Variants in FGF14 observed in about 807,000 individuals in gnomAD.
FGF14 encodes fibroblast growth factor 14, also known as fibroblast growth factor homologous factor 4.
FGF14 carries 5 observed loss-of-function variants against 25.5 expected under a neutral mutation model. The ratio of observed to expected loss-of-function variants is 0.20; its 90% CI spans 0.10 to 0.41. FGF14 has a LOEUF of 0.41. Ranked by LOEUF, FGF14 falls within the 10% of genes least tolerant of loss-of-function variation. The pLI, the probability that FGF14 is intolerant of heterozygous loss-of-function variation, is 1.00. For missense variants in FGF14, 222 were observed against 320.1 expected (o/e 0.69, Z 2.34); for synonymous variants, 138 against 118.3 (o/e 1.17, Z -1.08).
rs771212271 is a variant in FGF14 at position 101,916,464 on chromosome 13, A to G, written c.182T>C (p.Leu61Ser). 6.2e-7 allele frequency: 1 copy of G among 1,613,926 alleles called. No homozygotes were observed. Among genetic ancestry groups the G allele is most frequent in the Non-Finnish European group, 8.5e-7 (1 of 1,179,916 alleles). Residue 61 changes from leucine to serine, a missense_variant, in exon 1 of 5, where the codon TTG becomes TCG. Transcript: ENST00000376143. ...VRIFGLKKRR[L>S]RRQDPQLKGI... The stretch of plus-strand genomic sequence containing the variant: ...TGACCCCCACAGACCTTGGCGCCGC[A>G]ACCTGCGCTTCTTGAGGCCGAAGAT...
chr13:102,379,811 T>A (rs778647005), intron 1 of FGF14, among the ~76,000 whole-genome samples: 13 of 152,152 alleles, frequency 8.5e-5, no homozygotes, highest in Non-Finnish European at 1.9e-4. Flanking sequence ...TATTTTTTGC[T>A]ATCATAAAAC....
At chr13:102,042,746 G>A (rs575184696) in intron 1 of FGF14, among the ~76,000 whole-genome samples, 29 of 152,174 alleles carry the variant, frequency 1.9e-4, no homozygotes, top group Non-Finnish European at 3.7e-4. Flanking sequence ...TATATTTTAG[G>A]AGAATATAAA....
chr13:101,769,520 T>C (rs1285732759), intron 3 of FGF14, among the ~76,000 whole-genome samples: 1 of 152,178 alleles, frequency 6.6e-6, no homozygotes, highest in Non-Finnish European at 1.5e-5. Context: ...CTATGGCAGC[T>C]GCATTCATAA....
At chr13:101,908,223 T>C (rs1369455158) in intron 1 of FGF14, among the ~76,000 whole-genome samples, 1 of 152,198 alleles carries the variant, frequency 6.6e-6, no homozygotes, top group Non-Finnish European at 1.5e-5. Flanking sequence ...CGTATTTTTC[T>C]TCAGCCAAAT....
At chr13:102,276,139 A>G (rs1013061569) in intron 1 of FGF14, among the ~76,000 whole-genome samples, 1 of 151,726 alleles carries the variant, frequency 6.6e-6, no homozygotes, top group African/African-American at 2.4e-5. Flanking sequence ...CCATTAGTTA[A>G]GTAGAGACTC....
intron 1 of FGF14, among the ~76,000 whole-genome samples, chr13:102,165,304 C>G (rs1449053973): frequency 6.6e-6 from 1 of 151,972 alleles, no homozygotes; most frequent in African/African-American, 2.4e-5. Flanking sequence ...ACCCAGCCAT[C>G]CCATTACTGG....
intron 1 of FGF14, among the ~76,000 whole-genome samples, chr13:102,030,235 C>T (rs2041143771): frequency 6.6e-6 from 1 of 152,038 alleles, no homozygotes; most frequent in Non-Finnish European, 1.5e-5. Context: ...AAAAACTGTA[C>T]TTTGTAAAGT....
chr13:101,917,141 C>T (rs2033608080), upstream of FGF14, among the ~76,000 whole-genome samples: 1 of 151,632 alleles, frequency 6.6e-6, no homozygotes, highest in South Asian at 2.1e-4. Context: ...CAGGACTCAG[C>T]GCCGGGCTCC....
At chr13:102,157,106 C>T (rs2047379162) in intron 1 of FGF14, among the ~76,000 whole-genome samples, 1 of 152,266 alleles carries the variant, frequency 6.6e-6, no homozygotes, top group South Asian at 2.1e-4. Context: ...AGATTCAATG[C>T]CATCCCCATC....
intron 3 of FGF14, among the ~76,000 whole-genome samples, chr13:101,846,421 G>A (rs994946906): frequency 6.6e-6 from 1 of 151,954 alleles, no homozygotes. Flanking sequence ...ACATTTTCCA[G>A]TTACATAAAC....
intron 1 of FGF14, among the ~76,000 whole-genome samples, chr13:101,954,668 C>T (rs535694075): frequency 1.3e-5 from 2 of 152,194 alleles, no homozygotes; most frequent in East Asian, 3.9e-4. Context: ...CCTGAGGGCA[C>T]TCGGCAGAAG....
intron 1 of FGF14, among the ~76,000 whole-genome samples, chr13:102,351,441 A>G (rs183659761): frequency 4.9e-4 from 74 of 152,268 alleles, no homozygotes; most frequent in South Asian, 4.4e-3. Context: ...AAATCTTCAG[A>G]GAGTATTTAA....
intron 1 of FGF14, among the ~76,000 whole-genome samples, chr13:102,332,055 T>C (rs1433843493): frequency 2.0e-5 from 3 of 152,194 alleles, no homozygotes; most frequent in Admixed American, 1.3e-4. Context: ...CAAATTCTCC[T>C]TGAATAAGTA....
intron 1 of FGF14, among the ~76,000 whole-genome samples, chr13:102,315,031 A>G (rs2055952798): frequency 1.3e-5 from 2 of 151,040 alleles, no homozygotes; most frequent in Non-Finnish European, 1.5e-5. Context: ...ACACACACAT[A>G]CAAACATGTA....
chr13:101,992,451 CA>C (rs1270205037), intron 1 of FGF14, among the ~76,000 whole-genome samples: 2 of 152,016 alleles, frequency 1.3e-5, no homozygotes, highest in East Asian at 3.9e-4. Flanking sequence ...TAAAACAAAA[CA>C]AAAACCTCAG....
intron 1 of FGF14, among the ~76,000 whole-genome samples, chr13:102,387,277 C>A (rs1404563414): frequency 1.3e-5 from 2 of 152,148 alleles, no homozygotes; most frequent in Non-Finnish European, 2.9e-5. Flanking sequence ...CAGATACTGA[C>A]CCCTTGAAAC....
intron 1 of FGF14, among the ~76,000 whole-genome samples, chr13:101,927,294 G>A (rs2034430850): frequency 6.6e-6 from 1 of 152,162 alleles, no homozygotes; most frequent in African/African-American, 2.4e-5. Context: ...AGACATATCA[G>A]CAAATGAATC....
chr13:102,131,612 T>A (rs1309125157), intron 1 of FGF14, among the ~76,000 whole-genome samples: 1 of 152,234 alleles, frequency 6.6e-6, no homozygotes, highest in Non-Finnish European at 1.5e-5. Context: ...TACTATTTTC[T>A]ATATGAAGCT....
At chr13:102,072,555 C>T (rs2043195864) in intron 1 of FGF14, among the ~76,000 whole-genome samples, 1 of 152,172 alleles carries the variant, frequency 6.6e-6, no homozygotes, top group African/African-American at 2.4e-5. Context: ...TCCCAAAATT[C>T]TACCAACACT....
Sources: gnomAD v4.1 joint callset for allele counts (sites outside exome capture counted in the v4.1 genomes callset) on GRCh38, gnomAD v4.1.1 for gene constraint, MANE v1.5 for transcripts, NCBI Gene and HGNC (gene_info 2026-07-23, HGNC 2026-07-21) for gene names.